The following PLCE1 variants were observed in gnomAD, a reference collection of about 807,000 sequenced individuals.
PLCE1 encodes the protein 1-phosphatidylinositol 4,5-bisphosphate phosphodiesterase epsilon-1.
PLCE1 carries 119 observed loss-of-function variants against 242.8 expected under a neutral mutation model. The observed-to-expected ratio is 0.49, with a 90% confidence interval of 0.42 to 0.57. The LOEUF (loss-of-function observed/expected upper bound fraction) is 0.57. PLCE1 is among the 20% of genes least tolerant of loss of function. The probability of loss-of-function intolerance (pLI) is 0.00; values close to 1 mark genes in which losing one functional copy is unlikely to be tolerated. For missense variants in PLCE1, 2,441 were observed against 2,788.8 expected, an observed-to-expected ratio of 0.88 and a Z score of 2.81; for synonymous variants, 945 against 1,017.4, an observed-to-expected ratio of 0.93 and a Z score of 1.35.
rs2049210683 is a variant in PLCE1 at position 94,207,838 on chromosome 10, AAAAT to A, written c.1810-19460_1810-19457del. Among the ~76,000 whole-genome samples the A allele has an allele frequency of 2.6e-5, 4 of 152,222 alleles. No individual in the cohort carries two copies. In the South Asian group the frequency reaches 8.3e-4, roughly 32 times the overall value. On this transcript the variant is annotated intron_variant, in intron 4 of 32. Coordinates refer to ENST00000371380, the MANE Select transcript of PLCE1 (RefSeq NM_016341.4). ...GCCACTTTGGGATCATTTGAGCTTC[AAAAT>A]AAATAAAGCGAGTAATGGATTCCAA...
chr10:94,221,733 T>TG (rs1330290798), intron 4 of PLCE1, among the ~76,000 whole-genome samples: 3 of 150,538 alleles, frequency 2.0e-5, no homozygotes, highest in African/African-American at 7.3e-5. Flanking sequence ...AAGTTCTGTC[T>TG]AAAAAAAAAG....
chr10:94,147,508 A>T (rs2047153017), intron 3 of PLCE1, among the ~76,000 whole-genome samples: 1 of 151,908 alleles, frequency 6.6e-6, no homozygotes, highest in Non-Finnish European at 1.5e-5. Context: ...GGGGAGGCAG[A>T]TTAGAGAATT....
chr10:94,192,752 C>T (rs912890484), intron 4 of PLCE1, among the ~76,000 whole-genome samples: 1 of 152,150 alleles, frequency 6.6e-6, no homozygotes. Context: ...TGAGAAGTCT[C>T]TAAACTACTT....
chr10:94,073,960 C>T (rs1342355264), intron 2 of PLCE1, among the ~76,000 whole-genome samples: 3 of 152,286 alleles, frequency 2.0e-5, no homozygotes, highest in Middle Eastern at 3.4e-3. Context: ...TTTGATATCT[C>T]ACTGTCTGGT....
chr10:94,162,104 G>A (rs897483046), intron 3 of PLCE1, among the ~76,000 whole-genome samples: 1 of 152,150 alleles, frequency 6.6e-6, no homozygotes, highest in African/African-American at 2.4e-5. Flanking sequence ...CAGGGATATT[G>A]GTCTAAAATT....
chr10:94,139,728 A>G (rs898561254), intron 3 of PLCE1, among the ~76,000 whole-genome samples: 1 of 141,984 alleles, frequency 7.0e-6, no homozygotes, highest in African/African-American at 2.5e-5. Flanking sequence ...TTAACTTTGA[A>G]CCATAAAGGG....
chr10:94,179,530 T>TTTGAG (rs10636243), intron 4 of PLCE1, among the ~76,000 whole-genome samples: 1 of 118,826 alleles, frequency 8.4e-6, no homozygotes, highest in African/African-American at 3.2e-5. Context: ...TTTTTTTTTT[T>TTTGAG]GACAGGGTCT....
Position 94,324,480 on chromosome 10 carries a change from C to G in PLCE1, c.6633C>G (p.Val2211=). The change falls in exon 31 of 33, where the codon GTC becomes GTG. Residue 2211 remains valine (V), a synonymous_variant. Transcript: ENST00000371380. ...CCACACCAAAGTCCTCTCAGCGGGTCCTTCTGGATCAGGAGTGTGTGTTTC... is the reference window on the plus strand; with the variant it reads ...CCACACCAAAGTCCTCTCAGCGGGTGCTTCTGGATCAGGAGTGTGTGTTTC... The part of the protein sequence containing the change: ...KTTTPKSSQR[V]LLDQECVFQA... The G allele has an allele frequency of 6.2e-7, 1 of 1,614,110 alleles. No individual in the cohort carries two copies. The highest frequency in any genetic ancestry group is 8.5e-7 in the Non-Finnish European group (1 of 1,179,978).
chr10:94,137,560 T>G (rs2046823005), intron 3 of PLCE1, among the ~76,000 whole-genome samples: 1 of 152,214 alleles, frequency 6.6e-6, no homozygotes, highest in Non-Finnish European at 1.5e-5. Context: ...AAATTGAGTG[T>G]GTTAAACTCA....
At chr10:93,997,729 T>C (rs1411831035) in intron 1 of PLCE1, among the ~76,000 whole-genome samples, 1 of 151,264 alleles carries the variant, frequency 6.6e-6, no homozygotes, top group African/African-American at 2.4e-5. Context: ...CTAAATTGTT[T>C]AGCAGTTGAG....
At chr10:94,099,091 G>T (rs887797568) in intron 2 of PLCE1, among the ~76,000 whole-genome samples, 4 of 152,232 alleles carry the variant, frequency 2.6e-5, no homozygotes, top group African/African-American at 7.2e-5. Context: ...AGGCAGCTCA[G>T]TGTTGGGAAG....
intron 2 of PLCE1, among the ~76,000 whole-genome samples, chr10:94,075,625 A>G (rs1041807732): frequency 6.6e-6 from 1 of 152,208 alleles, no homozygotes; most frequent in Non-Finnish European, 1.5e-5. Flanking sequence ...CTTTGTTTGA[A>G]TGAAGGGAAT....
intron 2 of PLCE1, among the ~76,000 whole-genome samples, chr10:94,078,215 C>T (rs1320932086): frequency 6.6e-6 from 1 of 152,172 alleles, no homozygotes; most frequent in Non-Finnish European, 1.5e-5. Context: ...ACATTGCCAT[C>T]TGATAGATTT....
At chr10:94,137,792 C>A in intron 3 of PLCE1, 1 of 208,630 alleles carries the variant, frequency 4.8e-6, no homozygotes, top group Non-Finnish European at 9.6e-6. Context: ...CTGTTACTAC[C>A]ATGATGAGAA....
chr10:94,175,935 T>A (rs2048113322), intron 4 of PLCE1, among the ~76,000 whole-genome samples: 1 of 152,224 alleles, frequency 6.6e-6, no homozygotes, highest in Admixed American at 6.5e-5. Context: ...TATATATATG[T>A]GCTACATTTT....
chr10:94,002,253 A>T (rs951007311), intron 1 of PLCE1, among the ~76,000 whole-genome samples: 2 of 152,208 alleles, frequency 1.3e-5, no homozygotes, highest in African/African-American at 4.8e-5. Flanking sequence ...ACATCAGGCA[A>T]CCTTGCATGC....
At chr10:94,237,782 A>G (rs2050373070) in intron 7 of PLCE1, among the ~76,000 whole-genome samples, 1 of 152,186 alleles carries the variant, frequency 6.6e-6, no homozygotes, top group South Asian at 2.1e-4. Context: ...TTCTGTGGCC[A>G]TCTGCTGGGA....
chr10:94,120,887 C>A (rs557540365), intron 2 of PLCE1: 1 of 152,340 alleles, frequency 6.6e-6, no homozygotes, highest in Admixed American at 6.5e-5. Context: ...ACATGGGGAA[C>A]ATGCAAGTGG....
intron 2 of PLCE1, among the ~76,000 whole-genome samples, chr10:94,086,038 C>T (rs1179595668): frequency 6.6e-6 from 1 of 152,152 alleles, no homozygotes; most frequent in Non-Finnish European, 1.5e-5. Context: ...ATCCTGGGGG[C>T]ATGGCAGCAA....
Sources: allele counts gnomAD v4.1 joint callset (sites outside exome capture counted in the v4.1 genomes callset), GRCh38; gene constraint gnomAD v4.1.1; transcripts MANE v1.5; gene names NCBI Gene and HGNC (gene_info 2026-07-23, HGNC 2026-07-21).